Variants in TMED3 observed in about 807,000 individuals in gnomAD.
TMED3 encodes the protein transmembrane p24 trafficking protein 3, also known as transmembrane emp24 domain-containing protein 3.
TMED3 carries 9 observed loss-of-function variants against 15.0 expected under a neutral mutation model. The ratio of observed to expected loss-of-function variants is 0.60; its 90% confidence interval spans 0.36 to 1.04. TMED3 has a LOEUF of 1.04. Ranked by LOEUF, TMED3 falls within the 50% of genes least tolerant of loss-of-function variation. TMED3 has a pLI of 0.01. For missense variants in TMED3, 267 were observed against 278.9 expected, an observed-to-expected ratio of 0.96 and a Z score of 0.30; for synonymous variants, 117 against 121.4, an observed-to-expected ratio of 0.96 and a Z score of 0.24.
At position 79,322,507 on chromosome 15, in the gene TMED3, T is replaced by C. The variant is rs991491778; in HGVS notation, c.*293T>C. On this transcript the variant is annotated 3_prime_UTR_variant, in exon 3 of 3. Transcript: ENST00000299705. ...GTGGACAGGCAATGGTTCAGTGGCCTGGCTGTTGGCAGGAACTCCAAGTGC... is the reference window on the plus strand; with the variant it reads ...GTGGACAGGCAATGGTTCAGTGGCCCGGCTGTTGGCAGGAACTCCAAGTGC... 24 of 1,211,220 alleles carry C rather than the reference T, an allele frequency of 2.0e-5. No homozygotes were observed. In the Admixed American group the frequency reaches 4.2e-4, roughly 21 times the overall value. The allele number at this position is 1,211,220 out of a possible 1,614,324, so 75.0% of individuals were successfully genotyped here.
chr15:79,373,802 T>G (rs1463068246), intron 2 of TMED3, among the ~76,000 whole-genome samples: 1 of 152,160 alleles, frequency 6.6e-6, no homozygotes, highest in Non-Finnish European at 1.5e-5. Context: ...ATTGGTTTGG[T>G]CTGGAAAGAC....
At chr15:79,327,270 A>G (rs2058790808), downstream of TMED3, among the ~76,000 whole-genome samples, 1 of 152,156 alleles carries the variant, frequency 6.6e-6, no homozygotes, top group South Asian at 2.1e-4. Flanking sequence ...CCATTTATGA[A>G]CCAGAAATGG....
intron 2 of TMED3, among the ~76,000 whole-genome samples, chr15:79,388,935 G>T (rs1037660494): frequency 6.7e-6 from 1 of 149,778 alleles, no homozygotes; most frequent in Non-Finnish European, 1.5e-5. Flanking sequence ...TTTTTGATGA[G>T]ATTGTTTTTT....
chr15:79,343,283 T>C (rs12442645), intron 2 of TMED3, among the ~76,000 whole-genome samples: 14,344 of 152,120 alleles, frequency 0.094, 700 homozygotes, highest in Admixed American at 0.12. Flanking sequence ...TTTATACTCA[T>C]ACACACTGCC....
chr15:79,340,527 G>A (rs182532384), intron 2 of TMED3, among the ~76,000 whole-genome samples: 42 of 152,316 alleles, frequency 2.8e-4, no homozygotes, highest in African/African-American at 6.3e-4. Flanking sequence ...GTTTGCAGTC[G>A]TGAAGTGCCA....
intron 2 of TMED3, among the ~76,000 whole-genome samples, chr15:79,340,576 C>T (rs2058848016): frequency 6.6e-6 from 1 of 152,206 alleles, no homozygotes; most frequent in African/African-American, 2.4e-5. Context: ...CAAAAGATCA[C>T]TAATACACCT....
intron 2 of TMED3, among the ~76,000 whole-genome samples, chr15:79,329,471 T>C (rs1054528104): frequency 6.6e-6 from 1 of 152,238 alleles, no homozygotes; most frequent in African/African-American, 2.4e-5. Flanking sequence ...ATAGCCTGTT[T>C]GTGTAAGCTT....
intron 2 of TMED3, among the ~76,000 whole-genome samples, chr15:79,335,503 C>T (rs1195191829): frequency 1.3e-5 from 2 of 152,178 alleles, no homozygotes; most frequent in Non-Finnish European, 2.9e-5. Context: ...CATTCAGTTA[C>T]AAAGGCCACA....
intron 2 of TMED3, among the ~76,000 whole-genome samples, chr15:79,357,677 T>C (rs2058924906): frequency 6.6e-6 from 1 of 151,938 alleles, no homozygotes; most frequent in African/African-American, 2.4e-5. Flanking sequence ...TAGAGGGAGC[T>C]GGCGGCCCTC....
intron 2 of TMED3, among the ~76,000 whole-genome samples, chr15:79,409,016 G>A (rs1036476856): frequency 1.3e-5 from 2 of 152,156 alleles, no homozygotes; most frequent in Non-Finnish European, 2.9e-5. Context: ...TAAGTACAGA[G>A]CTTCTCTCAA....
chr15:79,341,537 T>C (rs8031761), intron 2 of TMED3, among the ~76,000 whole-genome samples: 14,096 of 152,236 alleles, frequency 0.093, 695 homozygotes, highest in Admixed American at 0.12. Context: ...TTTAGATCAC[T>C]GTGGCTGCTG....
At chr15:79,378,378 T>C (rs555653866) in intron 2 of TMED3, among the ~76,000 whole-genome samples, 1 of 152,340 alleles carries the variant, frequency 6.6e-6, no homozygotes, top group East Asian at 1.9e-4. Flanking sequence ...GATGTTCTAG[T>C]TGGTATGTGG....
chr15:79,311,547 C>T (rs1156845832), intron 1 of TMED3, 130 bp downstream of exon 1: 1 of 1,132,136 alleles, frequency 8.8e-7, no homozygotes, highest in Non-Finnish European at 1.2e-6. Flanking sequence ...GGGTGGGAGT[C>T]CCCGGAGACC....
At chr15:79,319,733 G>T (rs999858439) in intron 2 of TMED3, among the ~76,000 whole-genome samples, 6 of 152,160 alleles carry the variant, frequency 3.9e-5, no homozygotes, top group Admixed American at 1.3e-4. Context: ...CATCTCCAAT[G>T]ATTGGTAAGG....
At chr15:79,353,181 TAA>T (rs1254153907) in intron 2 of TMED3, among the ~76,000 whole-genome samples, 2 of 74,086 alleles carry the variant, frequency 2.7e-5, no homozygotes, top group Non-Finnish European at 4.6e-5. Context: ...ACATAATATA[TAA>T]AATATATATA....
intron 2 of TMED3, among the ~76,000 whole-genome samples, chr15:79,388,955 ATTTG>A (rs1178396696): frequency 2.0e-5 from 3 of 151,024 alleles, no homozygotes; most frequent in Non-Finnish European, 4.4e-5. Context: ...TTTCTTACTG[ATTTG>A]TTTGAGTTTG....
chr15:79,407,574 G>A (rs1893917728), intron 2 of TMED3, among the ~76,000 whole-genome samples: 1 of 152,200 alleles, frequency 6.6e-6, no homozygotes, highest in South Asian at 2.1e-4. Context: ...AAAGTTTTGT[G>A]TCAAGGGTTG....
At chr15:79,325,855 C>T (rs2058785413), downstream of TMED3, among the ~76,000 whole-genome samples, 1 of 152,214 alleles carries the variant, frequency 6.6e-6, no homozygotes, top group Middle Eastern at 3.2e-3. Context: ...CCGGAAGACT[C>T]AGCAAGCCAT....
At chr15:79,349,944 G>A (rs1349790990) in intron 2 of TMED3, among the ~76,000 whole-genome samples, 1 of 152,170 alleles carries the variant, frequency 6.6e-6, no homozygotes, top group Non-Finnish European at 1.5e-5. Context: ...CTGTATCCAG[G>A]ATCCATTTTA....
Sources: allele counts gnomAD v4.1 joint callset (sites outside exome capture counted in the v4.1 genomes callset), GRCh38; gene constraint gnomAD v4.1.1; transcripts MANE v1.5; gene names NCBI Gene and HGNC (gene_info 2026-07-23, HGNC 2026-07-21).